Variants in PSME4 observed in about 807,000 individuals in gnomAD.
PSME4 encodes the protein proteasome activator complex subunit 4.
PSME4 carries 89 observed loss-of-function variants against 253.9 expected under a neutral mutation model. The ratio of observed to expected loss-of-function variants is 0.35; its 90% CI spans 0.30 to 0.42. PSME4 has a LOEUF of 0.42. Among genes scored for constraint, PSME4 ranks in the 10% least tolerant of loss-of-function variants. The probability of loss-of-function intolerance (pLI) is 1.00; values close to 1 mark genes in which losing one functional copy is unlikely to be tolerated. For synonymous variants in PSME4, 851 were observed against 759.2 expected (o/e 1.12, Z -1.99); for missense variants, 2,014 against 2,195.2 (o/e 0.92, Z 1.65).
chr2:53,968,224 A>G (rs1670837739), intron 1 of PSME4, among the ~76,000 whole-genome samples: 1 of 151,616 alleles, frequency 6.6e-6, no homozygotes, highest in African/African-American at 2.4e-5. Flanking sequence ...GCAGTGGGCC[A>G]AGATCCTGCC....
At chr2:53,866,948 A>G (rs945924107) in intron 44 of PSME4, 68 bp from the exon 45 acceptor site, 2 of 1,458,512 alleles carry the variant, frequency 1.4e-6, no homozygotes, top group African/African-American at 2.9e-5. Context: ...ACAGTGAGAT[A>G]AAATTAGTTT....
At chr2:53,941,896 C>T (rs960034404) in intron 3 of PSME4, among the ~76,000 whole-genome samples, 19 of 152,058 alleles carry the variant, frequency 1.2e-4, no homozygotes, top group Non-Finnish European at 2.2e-4. Context: ...AATATACTTT[C>T]GCATAATGTC....
chr2:53,947,624 T>A (rs1669780860), intron 3 of PSME4, among the ~76,000 whole-genome samples: 1 of 152,116 alleles, frequency 6.6e-6, no homozygotes, highest in Non-Finnish European at 1.5e-5. Context: ...GAGAACGGCA[T>A]GAACCCTGGA....
intron 11 of PSME4, among the ~76,000 whole-genome samples, chr2:53,927,852 C>T (rs563019249): frequency 6.6e-6 from 1 of 152,138 alleles, no homozygotes; most frequent in Non-Finnish European, 1.5e-5. Context: ...GAGGCTGAGG[C>T]AGGAGAATTG....
intron 43 of PSME4, chr2:53,870,760 A>C (rs138385047): frequency 6.6e-6 from 1 of 152,036 alleles, no homozygotes; most frequent in Non-Finnish European, 1.5e-5. Context: ...GTAACTTTTC[A>C]TATTACAGTA....
At chr2:53,969,430 A>T (rs1413903890) in intron 1 of PSME4, among the ~76,000 whole-genome samples, 3 of 152,202 alleles carry the variant, frequency 2.0e-5, no homozygotes, top group East Asian at 3.8e-4. Context: ...CAGTGAATAT[A>T]CACAAAACTA....
chr2:53,968,378 G>A (rs1670852940), intron 1 of PSME4, among the ~76,000 whole-genome samples: 1 of 152,006 alleles, frequency 6.6e-6, no homozygotes, highest in Non-Finnish European at 1.5e-5. Flanking sequence ...CAGAGCTAGT[G>A]GGAGAAACTA....
At chr2:53,908,294 G>A in intron 24 of PSME4, 26 bp downstream of exon 24, 1 of 1,553,774 alleles carries the variant, frequency 6.4e-7, no homozygotes, top group Non-Finnish European at 8.8e-7. Context: ...AACAATTAGT[G>A]CAGACTTTTA....
chr2:53,927,360 T>C (rs376469383), intron 12 of PSME4, 34 bp downstream of exon 12: 88 of 1,398,274 alleles, frequency 6.3e-5, no homozygotes, highest in Middle Eastern at 1.8e-4. Context: ...AATTAGAACA[T>C]CTTAGCCCTT....
chr2:53,869,428 A>G lies in PSME4; in HGVS notation c.5211T>C (p.Pro1737=). Residue 1737 remains proline, a synonymous_variant, in exon 44 of 47, where the codon CCT becomes CCC. Coordinates refer to ENST00000404125, the MANE Select transcript of PSME4 (RefSeq NM_014614.3). ...AACCAGGGTCTCGCTTTCTTTTCTT[A>G]GGTAGTTTTGTTTTGCAAAGTTGCT... The part of the protein sequence containing the change: ...HFEQLCKTKL[P]KKRKRDPGSV... The G allele has an allele frequency of 6.2e-7, 1 of 1,610,482 alleles. No individual in the cohort carries two copies. Among genetic ancestry groups the G allele is most frequent in the Non-Finnish European group, 8.5e-7 (1 of 1,177,534 alleles).
At chr2:53,968,895 T>C (rs1483819106) in intron 1 of PSME4, among the ~76,000 whole-genome samples, 16 of 152,232 alleles carry the variant, frequency 1.1e-4, no homozygotes, top group Admixed American at 1.0e-3. Context: ...AATGCTTAAC[T>C]ATGCCTTGGT....
In PSME4 at chr2:53,866,813, A is replaced by T. The variant is rs1314165762; in HGVS notation, c.5331T>A (p.Val1777=). The change falls in exon 45 of 47, where the codon GTT becomes GTA. Residue 1777 remains valine, a synonymous_variant. Transcript: ENST00000404125. Reference sequence around the variant, plus strand: ...TGAGGAGCTGGGGCATCCAGGTGGGAACATCGTAAGGACTAGAAAGAACAC... The same window carrying T: ...TGAGGAGCTGGGGCATCCAGGTGGGTACATCGTAAGGACTAGAAAGAACAC... ...GACVLSSPYD[V]PTWMPQLLMN... 1 of 1,613,936 alleles carries T rather than the reference A, an allele frequency of 6.2e-7. No individual in the cohort carries two copies. The highest frequency in any genetic ancestry group is 1.3e-5 in the African/African-American group (1 of 74,922).
At chr2:53,889,281 C>T (rs567965822) in intron 37 of PSME4, among the ~76,000 whole-genome samples, 1 of 152,300 alleles carries the variant, frequency 6.6e-6, no homozygotes, top group African/African-American at 2.4e-5. Flanking sequence ...ATGTTCAAGT[C>T]TGTTATGAAA....
At chr2:53,922,346 C>G (rs1265668833) in intron 17 of PSME4, among the ~76,000 whole-genome samples, 171 bp downstream of exon 17, 1 of 152,104 alleles carries the variant, frequency 6.6e-6, no homozygotes, top group East Asian at 1.9e-4. Context: ...TCAACTACAC[C>G]ACTCCTTTGA....
intron 8 of PSME4, among the ~76,000 whole-genome samples, chr2:53,933,657 C>T (rs1326499597): frequency 1.3e-5 from 2 of 152,234 alleles, no homozygotes; most frequent in African/African-American, 4.8e-5. Context: ...GCTAGGATTA[C>T]AGATGTGAGC....
rs1430636014 is a variant in PSME4 at position 53,874,806 on chromosome 2, G to A, written c.4945-312C>T. Among the ~76,000 whole-genome samples the A allele has an allele frequency of 2.6e-5, 4 of 152,168 alleles. No homozygotes were observed. The East Asian group carries it at 7.7e-4, about 29-fold the overall frequency. ...CTACAAATACTAAAATTAGCTGGGT[G>A]TGGTGGCAGGCACCTGTAATCCCAG... On this transcript the variant is annotated intron_variant, in intron 42 of 46. Coordinates refer to ENST00000404125, the MANE Select transcript of PSME4 (RefSeq NM_014614.3).
chr2:53,958,908 A>G (rs929846742), intron 1 of PSME4, among the ~76,000 whole-genome samples: 7 of 152,232 alleles, frequency 4.6e-5, no homozygotes, highest in Middle Eastern at 3.4e-3. Flanking sequence ...TCAAATTACC[A>G]ACAAAAAAAT....
Position 53,944,458 on chromosome 2 carries a change from C to G in PSME4, c.500+3963G>C, listed in dbSNP as rs535963468. On this transcript the variant is annotated intron_variant, in intron 3 of 46. Coordinates refer to ENST00000404125, the MANE Select transcript of PSME4 (RefSeq NM_014614.3). ...TACAGGTGTGGGCTACCATGCCCAG[C>G]CGAATTTTGTTAAAATTTTAAATTT... Among the ~76,000 whole-genome samples, 16 of 152,002 alleles carry G rather than the reference C, an allele frequency of 1.1e-4. No individual in the cohort carries two copies. The South Asian group carries it at 3.3e-3, about 32-fold the overall frequency.
chr2:53,965,723 T>C (rs1670700762), intron 1 of PSME4, among the ~76,000 whole-genome samples: 1 of 150,242 alleles, frequency 6.7e-6, no homozygotes, highest in Non-Finnish European at 1.5e-5. Flanking sequence ...TGGAGTGCAA[T>C]GGTGCAATCG....
Sources: allele counts gnomAD v4.1 joint callset (sites outside exome capture counted in the v4.1 genomes callset), GRCh38; gene constraint gnomAD v4.1.1; transcripts MANE v1.5; gene names NCBI Gene and HGNC (gene_info 2026-07-23, HGNC 2026-07-21).